Variants in CLDN16 observed in about 807,000 individuals in gnomAD.
CLDN16 encodes claudin 16.
A neutral mutation model predicts 24.6 loss-of-function variants in CLDN16; 13 were observed. The ratio of observed to expected loss-of-function variants is 0.53; its 90% CI spans 0.34 to 0.84. The LOEUF (loss-of-function observed/expected upper bound fraction) is 0.84, where lower values mean the gene tolerates loss of function less well. Ranked by LOEUF, CLDN16 falls within the 40% of genes least tolerant of loss-of-function variation. CLDN16 has a pLI of 0.01. For synonymous variants in CLDN16, 116 were observed against 106.7 expected (o/e 1.09, Z -0.54); for missense variants, 298 against 292.7 (o/e 1.02, Z -0.13).
intron 1 of CLDN16, among the ~76,000 whole-genome samples, chr3:190,356,711 C>T (rs914155714): frequency 2.0e-5 from 3 of 151,596 alleles, no homozygotes; most frequent in African/African-American, 7.3e-5. Context: ...TTTATCTTTC[C>T]CTTATACCAT....
rs77086335 is a variant in CLDN16, at chr3:190,338,028, C to T, written n.121+15367C>T. 2.3e-4 allele frequency among the ~76,000 whole-genome samples: 35 copies of T among 152,288 alleles called. 1 individual carries two copies. The East Asian group carries it at 6.8e-3, about 29-fold the overall frequency. ...AGACACTATACTTCAGAAAGATGTA[C>T]ATTCATCCTAAACCAACAGCCATTA... is the stretch of plus-strand genomic sequence containing the variant. On this transcript the variant is annotated intron_variant and non_coding_transcript_variant, in intron 1 of 4. Transcript: ENST00000468220.
At chr3:190,328,358 T>C (rs1336652239) in intron 1 of CLDN16, among the ~76,000 whole-genome samples, 1 of 152,144 alleles carries the variant, frequency 6.6e-6, no homozygotes, top group African/African-American at 2.4e-5. Context: ...CTACTTTCTC[T>C]CTCCATTAGA....
intron 1 of CLDN16, among the ~76,000 whole-genome samples, chr3:190,365,060 T>C (rs767973788): frequency 3.3e-5 from 5 of 151,900 alleles, no homozygotes; most frequent in Non-Finnish European, 7.4e-5. Flanking sequence ...CCTTAATTTG[T>C]TTTGCTTATG....
the CLDN16 span, among the ~76,000 whole-genome samples, chr3:190,295,488 C>T: frequency 1.3e-5 from 2 of 152,082 alleles, no homozygotes; most frequent in East Asian, 3.8e-4. Flanking sequence ...AGACTTAAAA[C>T]GATTAAACAG....
the CLDN16 span, among the ~76,000 whole-genome samples, chr3:190,315,591 T>C: frequency 6.6e-6 from 1 of 152,184 alleles, no homozygotes; most frequent in African/African-American, 2.4e-5. Flanking sequence ...CAAGCATCTA[T>C]AGCATCTTAC....
upstream of CLDN16, among the ~76,000 whole-genome samples, chr3:190,317,973 T>C (rs1360615709): frequency 2.0e-5 from 3 of 152,318 alleles, no homozygotes; most frequent in East Asian, 5.8e-4. Flanking sequence ...AGAACAAAAA[T>C]ATTGTGCTTC....
At chr3:190,300,318 C>T in the CLDN16 span, among the ~76,000 whole-genome samples, 1 of 143,340 alleles carries the variant, frequency 7.0e-6, no homozygotes, top group Non-Finnish European at 1.5e-5. Flanking sequence ...TGCAGGACTA[C>T]TTTATGGACA....
chr3:190,302,485 T>C, the CLDN16 span, among the ~76,000 whole-genome samples: 1 of 152,180 alleles, frequency 6.6e-6, no homozygotes, highest in Admixed American at 6.6e-5. Flanking sequence ...AAAAATATTA[T>C]GTGAGGCCAG....
chr3:190,330,366 A>G (rs1380961211), intron 1 of CLDN16, among the ~76,000 whole-genome samples: 1 of 152,232 alleles, frequency 6.6e-6, no homozygotes, highest in Non-Finnish European at 1.5e-5. Flanking sequence ...TCTGTGTGTC[A>G]TAATGAAGTT....
At chr3:190,302,279 A>G in the CLDN16 span, among the ~76,000 whole-genome samples, 1 of 152,276 alleles carries the variant, frequency 6.6e-6, no homozygotes, top group East Asian at 1.9e-4. Context: ...GTTCTTGGCT[A>G]TTTAGTTTAG....
At chr3:190,372,744 G>A (rs1460568702) in intron 2 of CLDN16, among the ~76,000 whole-genome samples, 1 of 151,910 alleles carries the variant, frequency 6.6e-6, no homozygotes, top group African/African-American at 2.4e-5. Flanking sequence ...ATTCAAATTA[G>A]CTTTCCTTCA....
chr3:190,323,713 G>C (rs966266838), intron 1 of CLDN16, among the ~76,000 whole-genome samples: 1 of 152,146 alleles, frequency 6.6e-6, no homozygotes, highest in Non-Finnish European at 1.5e-5. Context: ...AATTCTCAAG[G>C]TGGGAATGGG....
In CLDN16 at chr3:190,410,011, T is replaced by C. The variant is rs1231476372; in HGVS notation, c.683T>C (p.Met228Thr). 1.9e-6 allele frequency: 3 copies of C among 1,614,090 alleles called. No individual in the cohort carries two copies. In the South Asian group the frequency reaches 3.3e-5, roughly 18 times the overall value. ...YSAPRTETAKMYAVDTRV is the reference protein window; with the variant it reads ...YSAPRTETAKTYAVDTRV The stretch of plus-strand genomic sequence containing the variant: ...GCCCCTCGCACAGAGACGGCCAAAA[T>C]GTATGCTGTAGACACAAGGGTGTAA... Residue 228 changes from methionine to threonine, a missense_variant, in exon 5 of 5, where the codon ATG (methionine) becomes ACG (threonine). Met to Thr is a moderately conservative substitution (Grantham distance 81). Transcript: ENST00000264734.
At chr3:190,379,975 G>GTCTATCTATCA (rs1553806908) in intron 3 of CLDN16, among the ~76,000 whole-genome samples, 6 of 148,988 alleles carry the variant, frequency 4.0e-5, no homozygotes, top group African/African-American at 1.5e-4. Context: ...TATCAACTCT[G>GTCTATCTATCA]TCTATCTATC....
At chr3:190,328,612 G>T (rs1394163759) in intron 1 of CLDN16, among the ~76,000 whole-genome samples, 1 of 151,772 alleles carries the variant, frequency 6.6e-6, no homozygotes, top group Non-Finnish European at 1.5e-5. Context: ...GCTGTGACTT[G>T]ATCCTGCTGA....
In CLDN16 at chr3:190,404,882, A is replaced by G. The variant is rs370413403; in HGVS notation, c.338A>G (p.Lys113Arg). The change falls in exon 3 of 5, where the codon AAA becomes AGA. Residue 113 changes from lysine to arginine, a missense_variant. Physicochemically the swap from Lys to Arg is conservative, Grantham distance 26. Transcript: ENST00000264734. ...VKFLPDEPYI[K>R]VRICFVAGAT... The stretch of plus-strand genomic sequence containing the variant: ...TTCCTCCCTGATGAGCCGTACATTA[A>G]AGTCCGCATCTGCTTTGTTGCTGGA... 1.5e-5 allele frequency: 25 copies of G among 1,613,980 alleles called. No individual in the cohort carries two copies. The African/African-American group carries it at 2.8e-4, about 18-fold the overall frequency.
At chr3:190,354,718 T>C (rs1717733037) in intron 1 of CLDN16, among the ~76,000 whole-genome samples, 1 of 152,050 alleles carries the variant, frequency 6.6e-6, no homozygotes, top group African/African-American at 2.4e-5. Context: ...TGAAACCTTA[T>C]AGTTTCAGGC....
intron 3 of CLDN16, among the ~76,000 whole-genome samples, chr3:190,407,131 G>GA (rs145022486): frequency 1.3e-5 from 2 of 151,896 alleles, no homozygotes; most frequent in Admixed American, 6.6e-5. Flanking sequence ...ACTATCTAGG[G>GA]AAAAAAATGT....
At chr3:190,329,880 G>C (rs1163046534) in intron 1 of CLDN16, among the ~76,000 whole-genome samples, 1 of 152,116 alleles carries the variant, frequency 6.6e-6, no homozygotes, top group Non-Finnish European at 1.5e-5. Context: ...TTATCTAGGT[G>C]AGGAATGGAC....
Sources: gnomAD v4.1 joint callset for allele counts (sites outside exome capture counted in the v4.1 genomes callset) on GRCh38, gnomAD v4.1.1 for gene constraint, MANE v1.5 for transcripts, NCBI Gene and HGNC (gene_info 2026-07-23, HGNC 2026-07-21) for gene names.